ABCC1: variants seen among roughly 807,000 people sequenced by gnomAD.
ABCC1 encodes the protein multidrug resistance-associated protein 1.
ABCC1 carries 83 observed loss-of-function variants against 172.9 expected under a neutral mutation model. That is an observed-to-expected ratio of 0.48 (90% CI 0.40 to 0.58). The LOEUF is 0.58. Ranked by LOEUF, ABCC1 falls within the 20% of genes least tolerant of loss-of-function variation. ABCC1 has a pLI of 0.00. For missense variants in ABCC1, 1,817 were observed against 2,002.7 expected, an observed-to-expected ratio of 0.91 and a Z score of 1.77; for synonymous variants, 937 against 825.2, an observed-to-expected ratio of 1.14 and a Z score of -2.32.
At chr16:16,049,802 G>A (rs1257074253) in intron 10 of ABCC1, among the ~76,000 whole-genome samples, 1 of 151,966 alleles carries the variant, frequency 6.6e-6, no homozygotes, top group Non-Finnish European at 1.5e-5. Flanking sequence ...TCCTACCTCA[G>A]TCTCCCGAGT....
chr16:16,045,798 C>T (rs755207444), intron 8 of ABCC1, 38 bp from the exon 9 acceptor site: 2 of 1,605,266 alleles, frequency 1.2e-6, no homozygotes, highest in South Asian at 2.2e-5. Context: ...CCCCACGTGT[C>T]ACAAGTCATT....
Position 16,111,364 on chromosome 16 carries a change from G to A in ABCC1, c.2872-11G>A. Reference sequence around the variant, plus strand: ...CATGTGCTAAGCTGCCTTATCTCCTGTGATCTCCAGGTCAAGCTTTCCGTG... The same window carrying A: ...CATGTGCTAAGCTGCCTTATCTCCTATGATCTCCAGGTCAAGCTTTCCGTG... On this transcript the variant is annotated splice_polypyrimidine_tract_variant and intron_variant, in intron 21 of 30. Transcript: ENST00000399410. 6.2e-7 allele frequency: 1 copy of A among 1,613,542 alleles called. No individual in the cohort carries two copies. Among genetic ancestry groups the A allele is most frequent in the Middle Eastern group, 1.6e-4 (1 of 6,062 alleles).
intron 24 of ABCC1, among the ~76,000 whole-genome samples, chr16:16,124,400 T>TGTGTGTGTGTGG (rs1555502644): frequency 7.7e-6 from 1 of 130,390 alleles, no homozygotes; most frequent in Non-Finnish European, 1.7e-5. Flanking sequence ...TGTGTGTGTG[T>TGTGTGTGTGTGG]GTGTGTGTGT....
chr16:16,070,102 C>T (rs902991732), intron 13 of ABCC1, among the ~76,000 whole-genome samples: 8 of 152,100 alleles, frequency 5.3e-5, no homozygotes, highest in African/African-American at 9.7e-5. Context: ...CATTTTTTGG[C>T]TGGGCGCAGT....
intron 12 of ABCC1, among the ~76,000 whole-genome samples, chr16:16,065,072 G>A (rs1173157400): frequency 6.6e-6 from 1 of 152,160 alleles, no homozygotes; most frequent in African/African-American, 2.4e-5. Context: ...CAAAGGCCCT[G>A]GGGCATTACT....
chr16:16,079,760 A>C (rs1015278393), intron 16 of ABCC1, among the ~76,000 whole-genome samples: 4 of 150,288 alleles, frequency 2.7e-5, no homozygotes, highest in African/African-American at 9.8e-5. Flanking sequence ...ATAAATATTT[A>C]TTTTGTTACC....
At chr16:16,014,670 G>A (rs376545703) in intron 4 of ABCC1, 42 bp downstream of exon 4, 105 of 1,607,338 alleles carry the variant, frequency 6.5e-5, no homozygotes, top group Middle Eastern at 2.1e-4. Context: ...CAGTGGACCC[G>A]GAGGGAGAGA....
chr16:16,113,601 G>A (rs185574580), intron 22 of ABCC1, among the ~76,000 whole-genome samples: 1 of 152,282 alleles, frequency 6.6e-6, no homozygotes, highest in East Asian at 1.9e-4. Flanking sequence ...GCTGCAGTGA[G>A]CCGTGATCAC....
At chr16:16,023,971 C>G (rs1477881876) in intron 5 of ABCC1, among the ~76,000 whole-genome samples, 2 of 152,108 alleles carry the variant, frequency 1.3e-5, no homozygotes, top group Non-Finnish European at 2.9e-5. Context: ...GTAATCCCAG[C>G]ACTTTGGGAG....
chr16:16,000,128 C>T lies in ABCC1; in HGVS notation c.49-7688C>T, dbSNP rs527967751. On this transcript the variant is annotated intron_variant, in intron 1 of 30. Coordinates refer to ENST00000399410, the MANE Select transcript of ABCC1 (RefSeq NM_004996.4). ...TCGGTCTCCCAAAGTGTTGGGATTA[C>T]AGGCGTGAGCCACCGCTCCTGGCCT... Among the ~76,000 whole-genome samples, 9 of 151,886 alleles carry T rather than the reference C, an allele frequency of 5.9e-5. No homozygotes were observed. In the East Asian group the frequency reaches 1.8e-3, roughly 30 times the overall value.
intron 21 of ABCC1, 65 bp downstream of exon 21, chr16:16,106,938 C>T: frequency 1.4e-5 from 22 of 1,600,706 alleles, no homozygotes; most frequent in Non-Finnish European, 1.9e-5. Context: ...GTGCACTGGG[C>T]ACTGTGCAAA....
In ABCC1 at chr16:16,068,451, G is replaced by C. The variant is rs1487602835; in HGVS notation, c.1824+149G>C. On this transcript the variant is annotated intron_variant, in intron 13 of 30. Coordinates refer to ENST00000399410, the MANE Select transcript of ABCC1 (RefSeq NM_004996.4). ...ACAAAGGCTGCCATGCTTTCGTCTG[G>C]TCATGCCTGAAAGAAAGAAAACACA... The C allele has an allele frequency of 3.3e-6, 3 of 905,534 alleles. No homozygotes were observed. The African/African-American group carries it at 5.0e-5, about 15-fold the overall frequency. 56.1% of individuals were successfully genotyped at this position (905,534 alleles called of 1,614,324 possible).
At chr16:16,084,775 C>T (rs2151999379) in intron 17 of ABCC1, among the ~76,000 whole-genome samples, 1 of 152,302 alleles carries the variant, frequency 6.6e-6, no homozygotes, top group Non-Finnish European at 1.5e-5. Context: ...CCCCTGCCAC[C>T]ACGCACAGCT....
At position 16,070,407 on chromosome 16, in the gene ABCC1, G is replaced by A. The variant is rs1409380434; in HGVS notation, c.1825-1235G>A. Among the ~76,000 whole-genome samples the A allele has an allele frequency of 3.3e-5, 5 of 152,170 alleles. No homozygotes were observed. The South Asian group carries it at 8.3e-4, about 25-fold the overall frequency. Reference sequence around the variant, plus strand: ...AGGTTGGGCGCAGTGGCTCATGCCTGTAATCCCAGCACTCTGGGAGGCCGA... The same window carrying A: ...AGGTTGGGCGCAGTGGCTCATGCCTATAATCCCAGCACTCTGGGAGGCCGA... On this transcript the variant is annotated intron_variant, in intron 13 of 30. Transcript: ENST00000399410.
intron 1 of ABCC1, among the ~76,000 whole-genome samples, chr16:15,985,773 C>T (rs1165079474): frequency 6.6e-6 from 1 of 151,820 alleles, no homozygotes; most frequent in African/African-American, 2.4e-5. Flanking sequence ...CTGGTATTGC[C>T]ATCAACTTGG....
At position 16,122,094 on chromosome 16, in the gene ABCC1, G is replaced by A. The variant is rs1005183608; in HGVS notation, c.3510G>A (p.Glu1170=). 7 of 1,614,094 alleles carry A rather than the reference G, an allele frequency of 4.3e-6. No individual in the cohort carries two copies. Among genetic ancestry groups the A allele is most frequent in the South Asian group, 1.1e-5 (1 of 91,092 alleles). The change falls in exon 24 of 31, where the codon GAG becomes GAA. Residue 1170 remains glutamate (E), a synonymous_variant. Transcript: ENST00000399410. Reference sequence around the variant, plus strand: ...TCAGCGTCATTCGAGCCTTCGAGGAGCAGGAGCGCTTCATCCACCAGAGTG... The same window carrying A: ...TCAGCGTCATTCGAGCCTTCGAGGAACAGGAGCGCTTCATCCACCAGAGTG... ...LGVSVIRAFE[E]QERFIHQSDL...
At chr16:16,026,464 C>CTTTT (rs1491397616) in intron 5 of ABCC1, among the ~76,000 whole-genome samples, 26,276 of 100,792 alleles carry the variant, frequency 0.26, 4,932 homozygotes, top group Non-Finnish European at 0.38. Flanking sequence ...AAGGCTATTT[C>CTTTT]CTTTTTTTTT....
chr16:16,103,911 C>G (rs1340475775), intron 20 of ABCC1, among the ~76,000 whole-genome samples: 2 of 152,150 alleles, frequency 1.3e-5, no homozygotes, highest in Non-Finnish European at 2.9e-5. Context: ...GGTGGCACGT[C>G]TGGGGTTTGT....
At chr16:16,079,592 G>A (rs917465066) in intron 16 of ABCC1, 114 bp downstream of exon 16, 9 of 1,333,536 alleles carry the variant, frequency 6.7e-6, no homozygotes, top group African/African-American at 2.9e-5. Context: ...AAGCAGCAAC[G>A]TCTCTTTTCC....
Sources: allele counts gnomAD v4.1 joint callset (sites outside exome capture counted in the v4.1 genomes callset), GRCh38; gene constraint gnomAD v4.1.1; transcripts MANE v1.5; gene names NCBI Gene and HGNC (gene_info 2026-07-23, HGNC 2026-07-21).